RFX2: variants seen among roughly 807,000 people sequenced by gnomAD.
RFX2 encodes the protein DNA-binding protein RFX2.
Under a neutral mutation model 87.8 loss-of-function variants are expected in RFX2, and 20 were observed. The observed-to-expected ratio is 0.23, with a 90% CI of 0.16 to 0.33. RFX2 has a LOEUF of 0.33. Ranked by LOEUF, RFX2 falls within the 10% of genes least tolerant of loss-of-function variation. RFX2 has a pLI of 1.00. For missense variants in RFX2, 767 were observed against 1,012.3 expected (o/e 0.76, Z 3.29); for synonymous variants, 397 against 431.3 (o/e 0.92, Z 0.98).
At chr19:6,065,293 G>A (rs1456341224) in intron 1 of RFX2, among the ~76,000 whole-genome samples, 1 of 152,026 alleles carries the variant, frequency 6.6e-6, no homozygotes, top group African/African-American at 2.4e-5. Flanking sequence ...AACAACACTC[G>A]CAGCCATTGG....
chr19:6,020,499 CAG>C lies in RFX2; in HGVS notation c.598-4230_598-4229del, dbSNP rs1307779552. On this transcript the variant is annotated intron_variant, in intron 6 of 17. Coordinates refer to ENST00000303657, the MANE Select transcript of RFX2 (RefSeq NM_000635.4). This position sits in a 1 kb window ranked among gnomAD's most constrained non-coding sequence, Gnocchi z 5.3. ...GGGGTTAGAACCGAAGTATGGCTTG[CAG>C]ACTCTGTTCAGGGTCTACGCCTCAC... The C allele has an allele frequency of 6.6e-6, 1 of 152,240 alleles. No homozygotes were observed. The highest frequency in any genetic ancestry group is 1.5e-5 in the Non-Finnish European group (1 of 68,066). The allele number at this position is 152,240 out of a possible 1,614,324, so 9.4% of individuals were successfully genotyped here.
intron 1 of RFX2, among the ~76,000 whole-genome samples, chr19:6,075,338 T>G (rs1017138114): frequency 6.6e-6 from 1 of 152,022 alleles, no homozygotes; most frequent in South Asian, 2.1e-4. Flanking sequence ...AGTGGAGTGT[T>G]TGGCTTTCGC....
Position 6,044,926 on chromosome 19 carries a change from G to A in RFX2, c.91-644C>T, listed in dbSNP as rs2087166909. 6.6e-6 allele frequency among the ~76,000 whole-genome samples: 1 copy of A among 152,184 alleles called. No homozygotes were observed. The highest frequency in any genetic ancestry group is 1.5e-5 in the Non-Finnish European group (1 of 68,038). ...TCCTAAGTCAAATCTGCACAGTGTGGCTTTGCTATTTTTCTGGGAGTACCG... is the reference window on the plus strand; with the variant it reads ...TCCTAAGTCAAATCTGCACAGTGTGACTTTGCTATTTTTCTGGGAGTACCG... On this transcript the variant is annotated intron_variant, in intron 2 of 17. Coordinates refer to ENST00000303657, the MANE Select transcript of RFX2 (RefSeq NM_000635.4). The surrounding 1 kb of genome is among the most constrained non-coding windows in gnomAD (Gnocchi z 5.3).
At chr19:6,060,540 C>T (rs1014250181) in intron 1 of RFX2, among the ~76,000 whole-genome samples, 3 of 152,182 alleles carry the variant, frequency 2.0e-5, no homozygotes, top group Admixed American at 6.5e-5. Context: ...CCTTTATCTT[C>T]TCTTGAGATA....
rs2288848 is a variant in RFX2, at chr19:6,007,623, A to G, written c.1247+67T>C. ...GAGCTGAGGCTTTCGTTTGTGGGTT[A>G]CCTGTGGACGTCAGCAGGGGGTTAA... On this transcript the variant is annotated intron_variant, in intron 11 of 17. Transcript: ENST00000303657. This position sits in a 1 kb window ranked among gnomAD's most constrained non-coding sequence, Gnocchi z 8.2. 5.5e-3 allele frequency: 4,927 copies of G among 889,252 alleles called. 100 individuals carry two copies. The East Asian group carries it at 0.07, about 13-fold the overall frequency. The allele number at this position is 889,252 out of a possible 1,614,324, so 55.1% of individuals were successfully genotyped here.
intron 1 of RFX2, among the ~76,000 whole-genome samples, chr19:6,052,296 T>C (rs2087276395): frequency 6.6e-6 from 1 of 152,178 alleles, no homozygotes. Context: ...TTACTGCAGA[T>C]AAAATTTCAT....
In RFX2 at chr19:6,016,068, G is replaced by A; in HGVS notation, c.779+22C>T. ...TGGGAAAGGAAGAGGAAGAACAGGT[G>A]GGCTGGGGATCGTCTACCCACCTGG... On this transcript the variant is annotated intron_variant, in intron 7 of 17. Transcript: ENST00000303657. This position sits in a 1 kb window ranked among gnomAD's most constrained non-coding sequence, Gnocchi z 5.4. 1 of 1,566,468 alleles carries A rather than the reference G, an allele frequency of 6.4e-7. No homozygotes were observed. Among genetic ancestry groups the A allele is most frequent in the African/African-American group, 1.4e-5 (1 of 73,494 alleles).
At chr19:6,029,258 A>G (rs948208333) in intron 5 of RFX2, among the ~76,000 whole-genome samples, 1 of 147,416 alleles carries the variant, frequency 6.8e-6, no homozygotes. Context: ...GAGGCACGCA[A>G]AAAAAAAAAA....
At chr19:6,032,363 C>T (rs2086964212) in intron 5 of RFX2, among the ~76,000 whole-genome samples, 1 of 152,184 alleles carries the variant, frequency 6.6e-6, no homozygotes, top group Non-Finnish European at 1.5e-5. Context: ...ATCTCCTGAC[C>T]TTGTGATCCA....
chr19:6,047,595 T>A lies in RFX2; in HGVS notation c.-8-91A>T. On this transcript the variant is annotated intron_variant, in intron 1 of 17. Transcript: ENST00000303657. This position sits in a 1 kb window ranked among gnomAD's most constrained non-coding sequence, Gnocchi z 4.2. Reference sequence around the variant, plus strand: ...TAACAAGTTCAAGGGAGGGAAGGAGTAACCAGCTACATTCTTCAAAGTCGA... The same window carrying A: ...TAACAAGTTCAAGGGAGGGAAGGAGAAACCAGCTACATTCTTCAAAGTCGA... 8 of 938,994 alleles carry A rather than the reference T, an allele frequency of 8.5e-6. No homozygotes were observed. Among genetic ancestry groups the A allele is most frequent in the Non-Finnish European group, 1.3e-5 (8 of 602,296 alleles). 58.2% of individuals were successfully genotyped at this position (938,994 alleles called of 1,614,324 possible).
chr19:6,026,238 C>T lies in RFX2; in HGVS notation c.523-1G>A. ...GGAGGTTTTCAATCGCCATTTCAAGCTAAAGAAAATGTGTGCAGAAACAAA... is the reference window on the plus strand; with the variant it reads ...GGAGGTTTTCAATCGCCATTTCAAGTTAAAGAAAATGTGTGCAGAAACAAA... On this transcript the variant is annotated splice_acceptor_variant, in intron 5 of 17. Coordinates refer to ENST00000303657, the MANE Select transcript of RFX2 (RefSeq NM_000635.4). LOFTEE classifies it high-confidence loss of function. This position sits in a 1 kb window ranked among gnomAD's most constrained non-coding sequence, Gnocchi z 4.5. 1 of 1,606,526 alleles carries T rather than the reference C, an allele frequency of 6.2e-7. No individual in the cohort carries two copies. The highest frequency in any genetic ancestry group is 8.5e-7 in the Non-Finnish European group (1 of 1,177,600).
At position 5,994,077 on chromosome 19, in the gene RFX2, C is replaced by G. The variant is rs1241841446; in HGVS notation, c.*758G>C. The G allele has an allele frequency of 6.6e-6, 1 of 152,270 alleles. No individual in the cohort carries two copies. The highest frequency in any genetic ancestry group is 1.5e-5 in the Non-Finnish European group (1 of 68,066). 9.4% of individuals were successfully genotyped at this position (152,270 alleles called of 1,614,324 possible). A position where few individuals can be genotyped will look rare whatever the true frequency, so the allele number is the denominator to read the frequency against. ...GGTTTTGATTTTTTGAAAGACACTG[C>G]TGTGTCCTGGCACGAGCGAGCCCGT... On this transcript the variant is annotated 3_prime_UTR_variant, in exon 18 of 18. Coordinates refer to ENST00000303657, the MANE Select transcript of RFX2 (RefSeq NM_000635.4).
rs375908011 is a variant in RFX2, at chr19:6,063,758, C to T, written c.-8-16254G>A. Reference sequence around the variant, plus strand: ...GCAGGAATACACTCTGGGGTGGGGCCGTCCTGGGCACCGCAGGGTGCTGGG... The same window carrying T: ...GCAGGAATACACTCTGGGGTGGGGCTGTCCTGGGCACCGCAGGGTGCTGGG... On this transcript the variant is annotated intron_variant, in intron 1 of 17. Transcript: ENST00000303657. The surrounding 1 kb of genome is among the most constrained non-coding windows in gnomAD (Gnocchi z 4.0). 7.9e-5 allele frequency among the ~76,000 whole-genome samples: 12 copies of T among 152,262 alleles called. No individual in the cohort carries two copies. The highest frequency in any genetic ancestry group is 6.2e-4 in the South Asian group (3 of 4,822).
chr19:6,075,632 C>T (rs775401513), intron 1 of RFX2, among the ~76,000 whole-genome samples: 2 of 152,096 alleles, frequency 1.3e-5, no homozygotes, highest in South Asian at 2.1e-4. Flanking sequence ...TGGAGCTGCC[C>T]GGTGCTGAGC....
chr19:6,080,173 A>G (rs887636463), intron 1 of RFX2, among the ~76,000 whole-genome samples: 2 of 150,870 alleles, frequency 1.3e-5, no homozygotes, highest in Non-Finnish European at 2.9e-5. Context: ...TCCTGTGAGT[A>G]GCTGGGACCA....
intron 1 of RFX2, among the ~76,000 whole-genome samples, chr19:6,080,064 G>A (rs372396461): frequency 3.3e-5 from 5 of 151,868 alleles, no homozygotes; most frequent in African/African-American, 1.2e-4. Context: ...TTTTAGGGAT[G>A]GGTCTTGCTC....
In RFX2 at chr19:6,026,355, T is replaced by G. The variant is rs2086888787; in HGVS notation, c.523-118A>C. ...TTAATATCCAAATAATGATTCGAGC[T>G]CCTACAAAATAAAAATGAGGCTCCA... On this transcript the variant is annotated intron_variant, in intron 5 of 17. Coordinates refer to ENST00000303657, the MANE Select transcript of RFX2 (RefSeq NM_000635.4). This position sits in a 1 kb window ranked among gnomAD's most constrained non-coding sequence, Gnocchi z 4.5. The G allele has an allele frequency of 4.7e-6, 4 of 849,054 alleles. No homozygotes were observed. Among genetic ancestry groups the G allele is most frequent in the Non-Finnish European group, 7.4e-6 (4 of 536,962 alleles). The allele number at this position is 849,054 out of a possible 1,614,324, so 52.6% of individuals were successfully genotyped here. A position where few individuals can be genotyped will look rare whatever the true frequency, so the allele number is the denominator to read the frequency against.
In RFX2 at chr19:6,056,273, C is replaced by T. The variant is rs953597198; in HGVS notation, c.-8-8769G>A. On this transcript the variant is annotated intron_variant, in intron 1 of 17. Transcript: ENST00000303657. The surrounding 1 kb of genome is among the most constrained non-coding windows in gnomAD (Gnocchi z 4.6). ...TCCAGGTGTTATAAGAATGGCAGGACCCTGACACCCTGTAGAGGGTGGTGG... is the reference window on the plus strand; with the variant it reads ...TCCAGGTGTTATAAGAATGGCAGGATCCTGACACCCTGTAGAGGGTGGTGG... Among the ~76,000 whole-genome samples the T allele has an allele frequency of 1.3e-5, 2 of 152,090 alleles. No individual in the cohort carries two copies. The highest frequency in any genetic ancestry group is 6.6e-5 in the Admixed American group (1 of 15,260).
chr19:6,081,451 A>T (rs964444894), intron 1 of RFX2, among the ~76,000 whole-genome samples: 1 of 152,274 alleles, frequency 6.6e-6, no homozygotes, highest in African/African-American at 2.4e-5. Context: ...TGAAGGATTA[A>T]ATAATTAAGC....
Sources: gnomAD v4.1 joint callset for allele counts (sites outside exome capture counted in the v4.1 genomes callset) on GRCh38, gnomAD v4.1.1 for gene constraint, Gnocchi (gnomAD v3.1) non-coding constraint, MANE v1.5 for transcripts, NCBI Gene and HGNC (gene_info 2026-07-23, HGNC 2026-07-21) for gene names.